The following RNF6 variants were observed in gnomAD, a reference collection of about 807,000 sequenced individuals.
RNF6 encodes E3 ubiquitin-protein ligase RNF6.
RNF6 carries 21 observed loss-of-function variants against 50.1 expected under a neutral mutation model. The observed-to-expected ratio is 0.42, with a 90% confidence interval of 0.30 to 0.60. The LOEUF is 0.60. Among genes scored for constraint, RNF6 ranks in the 20% least tolerant of loss-of-function variants. RNF6 has a pLI of 0.20. For missense variants in RNF6, 698 were observed against 838.2 expected, an observed-to-expected ratio of 0.83 and a Z score of 2.07; for synonymous variants, 255 against 291.8, an observed-to-expected ratio of 0.87 and a Z score of 1.29.
At chr13:26,170,136 A>C (rs1337291471) in intron 5 of RNF6, among the ~76,000 whole-genome samples, 1 of 152,160 alleles carries the variant, frequency 6.6e-6, no homozygotes, top group Admixed American at 6.5e-5. Context: ...GAGTCCATTA[A>C]GTAAGTGATT....
chr13:26,180,489 A>C (rs1873183101), intron 5 of RNF6, among the ~76,000 whole-genome samples: 1 of 152,204 alleles, frequency 6.6e-6, no homozygotes, highest in Non-Finnish European at 1.5e-5. Flanking sequence ...CCAGGGAACC[A>C]CATGTCACTC....
At chr13:26,133,078 T>A (rs1046418603) in intron 5 of RNF6, among the ~76,000 whole-genome samples, 1 of 152,194 alleles carries the variant, frequency 6.6e-6, no homozygotes, top group East Asian at 1.9e-4. Flanking sequence ...AGGCAGATTA[T>A]CTTCAAGAGA....
chr13:26,215,580 G>A lies in RNF6; in HGVS notation c.302C>T (p.Pro101Leu). ...DGTNYRDSEVPRESSHEDSLL... is the reference protein window; with the variant it reads ...DGTNYRDSEVLRESSHEDSLL... The stretch of plus-strand genomic sequence containing the variant: ...AGAATCTTCATGTGAACTTTCTCTA[G>A]GGACTTCTGAGTCTAGAAAGCAAAG... The change falls in exon 5 of 5, where the codon CCT (proline) becomes CTT (leucine). Residue 101 changes from proline (P) to leucine (L), a missense_variant. Physicochemically the swap from Pro to Leu is moderately conservative, Grantham distance 98. Coordinates refer to ENST00000381588, the MANE Select transcript of RNF6 (RefSeq NM_005977.4). 6.2e-7 allele frequency: 1 copy of A among 1,602,328 alleles called. No individual in the cohort carries two copies. The highest frequency in any genetic ancestry group is 8.5e-7 in the Non-Finnish European group (1 of 1,178,518).
intron 5 of RNF6, among the ~76,000 whole-genome samples, chr13:26,195,392 A>C (rs547989735): frequency 8.5e-5 from 13 of 152,194 alleles, no homozygotes; most frequent in Non-Finnish European, 1.5e-4. Flanking sequence ...ATATTCAAGG[A>C]CTATGAGACA....
chr13:26,176,025 T>A (rs888895010), intron 5 of RNF6, among the ~76,000 whole-genome samples: 1 of 152,134 alleles, frequency 6.6e-6, no homozygotes, highest in African/African-American at 2.4e-5. Flanking sequence ...GTTGTCCACA[T>A]CAACTCTTTA....
chr13:26,214,767 A>G lies in RNF6; in HGVS notation c.1115T>C (p.Leu372Pro), dbSNP rs779365824. The change falls in exon 5 of 5, where the codon CTT becomes CCT. Residue 372 changes from leucine (L) to proline (P), a missense_variant. By Grantham distance (98) the Leu-to-Pro change is moderately conservative. Transcript: ENST00000381588. ...TAYTPFSNSR[L>P]VSRITVEEGE... ...TTCTTCTACTGTTATTCTTGACACA[A>G]GCCTTGAATTAGAGAATGGGGTATA... 5.6e-6 allele frequency: 9 copies of G among 1,614,032 alleles called. No homozygotes were observed. Among genetic ancestry groups the G allele is most frequent in the African/African-American group, 1.3e-5 (1 of 74,902 alleles).
At chr13:26,157,671 G>T (rs1354498086) in intron 5 of RNF6, among the ~76,000 whole-genome samples, 9 of 152,186 alleles carry the variant, frequency 5.9e-5, no homozygotes, top group Admixed American at 3.3e-4. Flanking sequence ...TCACTTTGCA[G>T]GTTGACAAAG....
rs537066819 is a variant in RNF6 at position 26,213,685 on chromosome 13, A to G, written c.*139T>C. 1 of 549,996 alleles carries G rather than the reference A, an allele frequency of 1.8e-6. No homozygotes were observed. The highest frequency in any genetic ancestry group is 1.9e-5 in the African/African-American group (1 of 51,594). 34.1% of individuals were successfully genotyped at this position (549,996 alleles called of 1,614,324 possible). Reference sequence around the variant, plus strand: ...ATAAATTTCTTTTTAACAAGTTTAAAAAAGCACACGAAAAATAGTTCAAAC... The same window carrying G: ...ATAAATTTCTTTTTAACAAGTTTAAGAAAGCACACGAAAAATAGTTCAAAC... On this transcript the variant is annotated 3_prime_UTR_variant, in exon 5 of 5. Coordinates refer to ENST00000381588, the MANE Select transcript of RNF6 (RefSeq NM_005977.4).
exon 6 of RNF6, chr13:26,132,268 C>T: frequency 3.2e-6 from 1 of 308,334 alleles, no homozygotes; most frequent in South Asian, 3.0e-5. Context: ...CAAATGTTGT[C>T]ATATTCTATG....
intron 5 of RNF6, among the ~76,000 whole-genome samples, chr13:26,141,643 T>G (rs1356981202): frequency 6.6e-6 from 1 of 152,082 alleles, no homozygotes; most frequent in Non-Finnish European, 1.5e-5. Flanking sequence ...GAACTCTCTA[T>G]TCAGTAAGTG....
intron 5 of RNF6, among the ~76,000 whole-genome samples, chr13:26,201,513 A>C (rs568937337): frequency 3.9e-5 from 6 of 152,252 alleles, no homozygotes; most frequent in African/African-American, 1.4e-4. Flanking sequence ...GGGAGGAAGG[A>C]GGTAAGAAAG....
At chr13:26,170,336 A>G (rs1003466634) in intron 5 of RNF6, among the ~76,000 whole-genome samples, 2 of 152,192 alleles carry the variant, frequency 1.3e-5, no homozygotes, top group African/African-American at 4.8e-5. Context: ...GAAGAATTCA[A>G]AAGCACTTTG....
At chr13:26,210,751 G>C (rs1869288848), downstream of RNF6, among the ~76,000 whole-genome samples, 1 of 152,132 alleles carries the variant, frequency 6.6e-6, no homozygotes, top group African/African-American at 2.4e-5. Context: ...TACTAAGTTA[G>C]GTAGCAAAAA....
intron 5 of RNF6, among the ~76,000 whole-genome samples, chr13:26,172,607 G>A (rs538025559): frequency 6.6e-6 from 1 of 150,768 alleles, no homozygotes; most frequent in African/African-American, 2.4e-5. Context: ...GCAGTGGCGC[G>A]ATCTGGGCCC....
chr13:26,214,919 A>G lies in RNF6; in HGVS notation c.963T>C (p.Thr321=). The G allele has an allele frequency of 6.2e-7, 1 of 1,614,260 alleles. No homozygotes were observed. Among genetic ancestry groups the G allele is most frequent in the Non-Finnish European group, 8.5e-7 (1 of 1,180,044 alleles). Reference sequence around the variant, plus strand: ...TTTCCCTTTGGGAATTATGATAAACAGTGCCACTCTGTCTCTGAATTGGTG... The same window carrying G: ...TTTCCCTTTGGGAATTATGATAAACGGTGCCACTCTGTCTCTGAATTGGTG... ...SRSPIQRQSG[T]VYHNSQRESR... is the part of the protein sequence containing the mutation. The change falls in exon 5 of 5, where the codon ACT becomes ACC. Residue 321 remains threonine (T), a synonymous_variant. Coordinates refer to ENST00000381588, the MANE Select transcript of RNF6 (RefSeq NM_005977.4).
chr13:26,153,714 T>C (rs1205072837), intron 5 of RNF6, among the ~76,000 whole-genome samples: 1 of 152,226 alleles, frequency 6.6e-6, no homozygotes, highest in East Asian at 1.9e-4. Context: ...CTATTTAAAC[T>C]ACTATTCGGA....
intron 5 of RNF6, among the ~76,000 whole-genome samples, chr13:26,172,984 G>C (rs934222837): frequency 6.6e-6 from 1 of 152,084 alleles, no homozygotes; most frequent in African/African-American, 2.4e-5. Flanking sequence ...GATATGAATG[G>C]GTAATTTAGA....
intron 5 of RNF6, among the ~76,000 whole-genome samples, chr13:26,176,989 A>G (rs927599896): frequency 2.0e-5 from 3 of 152,170 alleles, no homozygotes; most frequent in African/African-American, 7.2e-5. Flanking sequence ...ACAGAGACAC[A>G]AAGTGGAGAA....
At chr13:26,210,222 TGA>T (rs1048276404), downstream of RNF6, among the ~76,000 whole-genome samples, 15 of 152,318 alleles carry the variant, frequency 9.8e-5, 1 homozygote, top group African/African-American at 3.4e-4. Flanking sequence ...CAGGACTGAA[TGA>T]GAGACCCCAA....
Sources: allele counts gnomAD v4.1 joint callset (sites outside exome capture counted in the v4.1 genomes callset), GRCh38; gene constraint gnomAD v4.1.1; transcripts MANE v1.5; gene names NCBI Gene and HGNC (gene_info 2026-07-23, HGNC 2026-07-21).